Variants in CMIP observed in about 807,000 individuals in gnomAD.
CMIP encodes the protein c-Maf inducing protein.
In CMIP, 13 loss-of-function variants were observed where a neutral mutation model predicts 97.3. The ratio of observed to expected loss-of-function variants is 0.13; its 90% confidence interval spans 0.09 to 0.21. CMIP has a LOEUF of 0.21. CMIP is among the 10% of genes least tolerant of loss of function. The pLI, the probability that CMIP is intolerant of heterozygous loss-of-function variation, is 1.00. For missense variants in CMIP, 847 were observed against 1,024.9 expected, an observed-to-expected ratio of 0.83 and a Z score of 2.37; for synonymous variants, 538 against 436.3, an observed-to-expected ratio of 1.23 and a Z score of -2.91.
At position 81,566,937 on chromosome 16, in the gene CMIP, C is replaced by T. The variant is rs1282017382; in HGVS notation, c.301-40630C>T. Among the ~76,000 whole-genome samples, 4 of 152,298 alleles carry T rather than the reference C, an allele frequency of 2.6e-5. No homozygotes were observed. In the East Asian group the frequency reaches 5.8e-4, roughly 22 times the overall value. ...AAGTTCAAGGTCAGACAAAACTACC[C>T]TGTAGTGATAGAGGTTGGAATGATG... On this transcript the variant is annotated intron_variant, in intron 1 of 20. Transcript: ENST00000537098.
At chr16:81,546,322 A>G (rs1232411039) in intron 1 of CMIP, among the ~76,000 whole-genome samples, 3 of 152,218 alleles carry the variant, frequency 2.0e-5, no homozygotes, top group Non-Finnish European at 1.5e-5. Flanking sequence ...CGCCGGCGGC[A>G]GAAGCTCCCT....
chr16:81,479,514 C>T (rs910622728), intron 1 of CMIP, among the ~76,000 whole-genome samples: 3 of 152,178 alleles, frequency 2.0e-5, no homozygotes, highest in African/African-American at 7.2e-5. Context: ...GTCCCCCTCC[C>T]CCAGCCCCTG....
chr16:81,678,310 A>C lies in CMIP; in HGVS notation c.1070A>C (p.Asn357Thr), dbSNP rs1597237110. 6.2e-7 allele frequency: 1 copy of C among 1,608,078 alleles called. No homozygotes were observed. The highest frequency in any genetic ancestry group is 8.5e-7 in the Non-Finnish European group (1 of 1,177,316). Residue 357 changes from asparagine to threonine, a missense_variant, in exon 10 of 21, where the codon AAC becomes ACC. Asn to Thr is a moderately conservative substitution (Grantham distance 65, BLOSUM62 0). Transcript: ENST00000537098. ...DNSPSLKEIR[N>T]GCQQPCDRKP... ...TCCCCAAGCCTGAAGGAAATCCGGA[A>C]CGGCTGCCAGCAGCCGTGCGACCGG...
intron 10 of CMIP, among the ~76,000 whole-genome samples, chr16:81,684,537 A>T (rs1905192568): frequency 6.6e-6 from 1 of 152,196 alleles, no homozygotes; most frequent in Non-Finnish European, 1.5e-5. Flanking sequence ...CTGGGTTAAA[A>T]TCCCAGCTGA....
chr16:81,488,612 C>T (rs775266917), intron 1 of CMIP, among the ~76,000 whole-genome samples: 3 of 152,106 alleles, frequency 2.0e-5, no homozygotes, highest in African/African-American at 4.8e-5. Flanking sequence ...TTCCCCCATC[C>T]CCTCTCTGTG....
chr16:81,709,249 C>A (rs1050235324), intron 20 of CMIP, among the ~76,000 whole-genome samples: 1 of 152,136 alleles, frequency 6.6e-6, no homozygotes, highest in African/African-American at 2.4e-5. Flanking sequence ...TCTCTGATAA[C>A]GATGAGAATA....
chr16:81,621,162 T>C lies in CMIP; in HGVS notation c.477+236T>C. On this transcript the variant is annotated intron_variant, in intron 3 of 20. Coordinates refer to ENST00000537098, the MANE Select transcript of CMIP (RefSeq NM_198390.3). This position sits in a 1 kb window ranked among gnomAD's most constrained non-coding sequence, Gnocchi z 4.1. ...CCCTGGTGTTCTCAAACCCTATAGC[T>C]GTTTTCCTGCTTCAAAAGGATCATA... The C allele has an allele frequency of 2.1e-6, 1 of 467,818 alleles. No homozygotes were observed. 29.0% of individuals were successfully genotyped at this position (467,818 alleles called of 1,614,324 possible).
chr16:81,532,356 C>G (rs2090254690), intron 1 of CMIP, among the ~76,000 whole-genome samples: 1 of 152,224 alleles, frequency 6.6e-6, no homozygotes, highest in East Asian at 1.9e-4. Context: ...GGTATACGCA[C>G]AGATATAATT....
Position 81,582,199 on chromosome 16 carries a change from T to C in CMIP, c.301-25368T>C, listed in dbSNP as rs535740247. On this transcript the variant is annotated intron_variant, in intron 1 of 20. Transcript: ENST00000537098. ...CCTCCCACAGGCCCCTTCTCCAACA[T>C]TGGGGATTATAATTGAACATGAGTC... 9.3e-4 allele frequency among the ~76,000 whole-genome samples: 142 copies of C among 152,252 alleles called. 1 individual carries two copies. Among genetic ancestry groups the C allele is most frequent in the African/African-American group, 3.4e-3 (140 of 41,540 alleles).
rs559125037 is a variant in CMIP, at chr16:81,655,452, C to T, written c.640-2323C>T. On this transcript the variant is annotated intron_variant, in intron 4 of 20. Coordinates refer to ENST00000537098, the MANE Select transcript of CMIP (RefSeq NM_198390.3). The surrounding 1 kb of genome is among the most constrained non-coding windows in gnomAD (Gnocchi z 4.9). ...ACCCTCCCAGGCCTTTGTTGAGTTGCGTGTAAAGTGGCCGCTTAGCTCGAG... is the reference window on the plus strand; with the variant it reads ...ACCCTCCCAGGCCTTTGTTGAGTTGTGTGTAAAGTGGCCGCTTAGCTCGAG... 7.2e-5 allele frequency among the ~76,000 whole-genome samples: 11 copies of T among 152,252 alleles called. No individual in the cohort carries two copies. The highest frequency in any genetic ancestry group is 1.7e-4 in the African/African-American group (7 of 41,548).
chr16:81,685,016 C>G (rs545779070), intron 10 of CMIP, among the ~76,000 whole-genome samples: 8 of 152,334 alleles, frequency 5.3e-5, no homozygotes, highest in African/African-American at 1.7e-4. Context: ...TGCCGAGGCC[C>G]GTCACAGAGA....
chr16:81,447,510 C>T (rs1334752303), intron 1 of CMIP, among the ~76,000 whole-genome samples: 1 of 152,128 alleles, frequency 6.6e-6, no homozygotes, highest in Non-Finnish European at 1.5e-5. Flanking sequence ...GCCAGAGGCC[C>T]CTCGCTCACC....
At chr16:81,639,297 T>G (rs757580865) in intron 3 of CMIP, among the ~76,000 whole-genome samples, 5 of 152,278 alleles carry the variant, frequency 3.3e-5, no homozygotes, top group Non-Finnish European at 7.3e-5. Flanking sequence ...GAGGCATCAT[T>G]TGAACCAGGT....
At chr16:81,604,756 A>G (rs1054231461) in intron 1 of CMIP, among the ~76,000 whole-genome samples, 2 of 152,192 alleles carry the variant, frequency 1.3e-5, no homozygotes, top group African/African-American at 4.8e-5. Flanking sequence ...CTTTCCCTAA[A>G]AAGCCTTGGT....
At chr16:81,537,848 G>C (rs1433119908) in intron 1 of CMIP, among the ~76,000 whole-genome samples, 3 of 152,230 alleles carry the variant, frequency 2.0e-5, no homozygotes, top group African/African-American at 7.2e-5. Context: ...GATTGGGGTG[G>C]TGGGGGCTGC....
chr16:81,605,635 A>G (rs1348769574), intron 1 of CMIP, among the ~76,000 whole-genome samples: 1 of 152,018 alleles, frequency 6.6e-6, no homozygotes, highest in Non-Finnish European at 1.5e-5. Context: ...TCCTCCTTGA[A>G]CACTCCCAGC....
intron 1 of CMIP, among the ~76,000 whole-genome samples, chr16:81,583,788 C>A (rs146540716): frequency 6.6e-6 from 1 of 152,126 alleles, no homozygotes; most frequent in Admixed American, 6.5e-5. Flanking sequence ...CTACTGAATA[C>A]AAGGCCAAGG....
intron 3 of CMIP, among the ~76,000 whole-genome samples, chr16:81,623,775 G>A (rs2092022968): frequency 6.6e-6 from 1 of 152,318 alleles, no homozygotes; most frequent in African/African-American, 2.4e-5. Flanking sequence ...TCCAGAAAGT[G>A]TTCACCTAAT....
At chr16:81,578,027 C>A (rs1012674253) in intron 1 of CMIP, among the ~76,000 whole-genome samples, 14 of 151,558 alleles carry the variant, frequency 9.2e-5, no homozygotes, top group Non-Finnish European at 1.5e-4. Context: ...CCATCATCCC[C>A]ATTACCACTA....
Sources: allele counts gnomAD v4.1 joint callset (sites outside exome capture counted in the v4.1 genomes callset), GRCh38; gene constraint gnomAD v4.1.1; non-coding constraint Gnocchi (gnomAD v3.1); transcripts MANE v1.5; gene names NCBI Gene and HGNC (gene_info 2026-07-23, HGNC 2026-07-21).